The following SIL1 variants were observed in gnomAD, a reference collection of about 807,000 sequenced individuals.
SIL1 encodes the protein SIL1 nucleotide exchange factor.
In SIL1, 40 loss-of-function variants were observed where a neutral mutation model predicts 49.1. The observed-to-expected ratio is 0.81, with a 90% CI of 0.63 to 1.06. The LOEUF (loss-of-function observed/expected upper bound fraction) is 1.06. Among genes scored for constraint, SIL1 ranks in the 50% least tolerant of loss-of-function variants. The pLI is 0.00. For synonymous variants in SIL1, 253 were observed against 250.8 expected (o/e 1.01, Z -0.08); for missense variants, 500 against 572.6 (o/e 0.87, Z 1.29).
chr5:139,192,997 CAAAAAAAAAAAAAAA>C (rs60150903), intron 1 of SIL1, among the ~76,000 whole-genome samples: 12 of 79,002 alleles, frequency 1.5e-4, no homozygotes, highest in Middle Eastern at 6.0e-3. Context: ...AACTCAGTCT[CAAAAAAAAAAAAAAA>C]AAAAAAAAAA....
chr5:139,166,146 C>A (rs552981743), intron 1 of SIL1, among the ~76,000 whole-genome samples: 1 of 152,106 alleles, frequency 6.6e-6, no homozygotes, highest in Admixed American at 6.6e-5. Context: ...TCTAACTCTT[C>A]GTCAACAGCA....
intron 7 of SIL1, among the ~76,000 whole-genome samples, chr5:138,993,858 G>A (rs1000718583): frequency 9.9e-5 from 15 of 152,190 alleles, no homozygotes; most frequent in Admixed American, 7.2e-4. Context: ...CAGAGGACCC[G>A]ACAAAGTCAC....
chr5:139,003,211 G>A (rs1487253784), intron 7 of SIL1, among the ~76,000 whole-genome samples: 1 of 152,074 alleles, frequency 6.6e-6, no homozygotes, highest in East Asian at 1.9e-4. Context: ...AGCTGAAGAA[G>A]GGACTCTCCC....
intron 2 of SIL1, among the ~76,000 whole-genome samples, chr5:139,121,899 G>A (rs994805461): frequency 6.6e-6 from 1 of 152,184 alleles, no homozygotes; most frequent in African/African-American, 2.4e-5. Context: ...AGACAGCGAT[G>A]CAAGATAAAT....
chr5:138,968,160 A>G (rs1767188750), intron 7 of SIL1, among the ~76,000 whole-genome samples: 1 of 152,094 alleles, frequency 6.6e-6, no homozygotes, highest in African/African-American at 2.4e-5. Context: ...GAGTCAGCAT[A>G]GCAGGCCCTG....
intron 1 of SIL1, among the ~76,000 whole-genome samples, chr5:139,151,098 GGA>G (rs1445723579): frequency 2.0e-5 from 3 of 152,136 alleles, no homozygotes; most frequent in African/African-American, 7.2e-5. Flanking sequence ...TGAAGAAGAA[GGA>G]GAGATCTGAC....
chr5:138,957,401 G>A (rs1051391745), intron 7 of SIL1, among the ~76,000 whole-genome samples: 4 of 142,380 alleles, frequency 2.8e-5, no homozygotes, highest in Admixed American at 7.1e-5. Context: ...TAAAATCCCC[G>A]TCTCTGCAAA....
intron 3 of SIL1, among the ~76,000 whole-genome samples, chr5:139,074,113 G>A (rs1256410201): frequency 1.3e-5 from 2 of 152,130 alleles, no homozygotes; most frequent in African/African-American, 4.8e-5. Context: ...CTGGAATGCA[G>A]TAGTGCAATC....
intron 1 of SIL1, among the ~76,000 whole-genome samples, chr5:139,163,118 G>A (rs10051099): frequency 0.047 from 7,163 of 151,822 alleles, 396 homozygotes; most frequent in African/African-American, 0.14. Context: ...AGATAAAGCT[G>A]CCAAGGAAGG....
intron 7 of SIL1, among the ~76,000 whole-genome samples, chr5:139,010,398 T>G (rs1377121843): frequency 6.6e-6 from 1 of 150,806 alleles, no homozygotes; most frequent in Non-Finnish European, 1.5e-5. Flanking sequence ...CTTCTTTGCC[T>G]TTGGTTTGAA....
intron 7 of SIL1, chr5:139,014,300 G>T (rs1768350403): frequency 6.6e-6 from 1 of 150,470 alleles, no homozygotes; most frequent in Admixed American, 6.7e-5. Context: ...CCAGGAAGCA[G>T]AAGTTACAGT....
In SIL1 at chr5:139,147,397, A is replaced by G. The variant is rs147657812; in HGVS notation, c.-10-19544T>C. ...CAGGATACAGCCCTGGTATCACAGC[A>G]CACCACACAGCTTAGATCCTATGCT... On this transcript the variant is annotated intron_variant, in intron 1 of 9. Transcript: ENST00000394817. 3.9e-5 allele frequency among the ~76,000 whole-genome samples: 6 copies of G among 152,262 alleles called. No individual in the cohort carries two copies. The East Asian group carries it at 1.2e-3, about 29-fold the overall frequency.
chr5:139,055,735 G>T (rs947305203), intron 3 of SIL1, among the ~76,000 whole-genome samples: 55 of 148,814 alleles, frequency 3.7e-4, no homozygotes, highest in African/African-American at 1.3e-3. Context: ...AAGCTGGACT[G>T]TACTGCTGCC....
intron 3 of SIL1, among the ~76,000 whole-genome samples, chr5:139,079,353 G>C (rs1053251992): frequency 1.3e-5 from 2 of 152,172 alleles, no homozygotes; most frequent in Admixed American, 1.3e-4. Context: ...TAGTCAGCTA[G>C]GACACCAGGG....
chr5:139,161,141 G>A (rs1490444971), intron 1 of SIL1, among the ~76,000 whole-genome samples: 1 of 152,116 alleles, frequency 6.6e-6, no homozygotes, highest in Non-Finnish European at 1.5e-5. Flanking sequence ...TACTCAGGAG[G>A]CTGAGGCAGG....
At chr5:138,999,065 C>G (rs1767933817) in intron 7 of SIL1, among the ~76,000 whole-genome samples, 1 of 151,988 alleles carries the variant, frequency 6.6e-6, no homozygotes, top group Non-Finnish European at 1.5e-5. Context: ...CTATGTTGGC[C>G]AGGCTGGTCT....
chr5:139,013,331 C>T (rs75280691), intron 7 of SIL1, among the ~76,000 whole-genome samples: 3,243 of 152,252 alleles, frequency 0.021, 123 homozygotes, highest in African/African-American at 0.075. Flanking sequence ...CATTTTTCTC[C>T]CTTCCACTCA....
At chr5:138,968,795 C>A (rs1217661398) in intron 7 of SIL1, among the ~76,000 whole-genome samples, 1 of 152,200 alleles carries the variant, frequency 6.6e-6, no homozygotes, top group Non-Finnish European at 1.5e-5. Context: ...TGTGTCCCCT[C>A]CCAGCTGAGA....
chr5:139,140,582 T>C (rs1237142578), intron 1 of SIL1, among the ~76,000 whole-genome samples: 1 of 152,304 alleles, frequency 6.6e-6, no homozygotes, highest in South Asian at 2.1e-4. Flanking sequence ...TTTACATATG[T>C]GGGCAGAAAC....
Sources: gnomAD v4.1 joint callset for allele counts (sites outside exome capture counted in the v4.1 genomes callset) on GRCh38, gnomAD v4.1.1 for gene constraint, MANE v1.5 for transcripts, NCBI Gene and HGNC (gene_info 2026-07-23, HGNC 2026-07-21) for gene names.